OIP5: variants seen among roughly 807,000 people sequenced by gnomAD.
OIP5 encodes Opa interacting protein 5.
Under a neutral mutation model 20.3 loss-of-function variants are expected in OIP5, and 24 were observed. The ratio of observed to expected loss-of-function variants is 1.18; its 90% CI spans 0.86 to 1.66. The LOEUF (loss-of-function observed/expected upper bound fraction) is 1.66. Among genes scored for constraint, OIP5 ranks in the 40% most tolerant of loss-of-function variants. The pLI is 0.00. For missense variants in OIP5, 339 were observed against 289.5 expected (o/e 1.17, Z -1.24); for synonymous variants, 143 against 121.3 (o/e 1.18, Z -1.17).
chr15:41,321,470 G>A (rs1007949497), intron 2 of OIP5, among the ~76,000 whole-genome samples: 5 of 152,232 alleles, frequency 3.3e-5, no homozygotes, highest in African/African-American at 1.2e-4. Flanking sequence ...TGGCAGTTTT[G>A]TGGAATAGAA....
chr15:41,312,965 G>A (rs1181550209), intron 4 of OIP5, among the ~76,000 whole-genome samples: 1 of 152,160 alleles, frequency 6.6e-6, no homozygotes, highest in Admixed American at 6.5e-5. Flanking sequence ...TCTTATGTCT[G>A]AGACAGTTGA....
intron 2 of OIP5, among the ~76,000 whole-genome samples, chr15:41,327,099 G>C (rs902423367): frequency 1.3e-5 from 2 of 151,334 alleles, no homozygotes; most frequent in African/African-American, 4.9e-5. Context: ...AAAGTGAAGA[G>C]TATAGAGGAA....
chr15:41,328,447 T>C (rs1452858516), intron 2 of OIP5, among the ~76,000 whole-genome samples: 2 of 152,222 alleles, frequency 1.3e-5, no homozygotes, highest in Non-Finnish European at 2.9e-5. Context: ...GAAAAAAATG[T>C]ACTTCACTTA....
intron 2 of OIP5, among the ~76,000 whole-genome samples, chr15:41,330,605 G>A (rs1173151933): frequency 6.6e-6 from 1 of 151,698 alleles, no homozygotes; most frequent in Admixed American, 6.6e-5. Flanking sequence ...CGGTTTCACC[G>A]TGTTAGTCAG....
chr15:41,314,700 C>T (rs998431176), intron 3 of OIP5, among the ~76,000 whole-genome samples: 1 of 150,886 alleles, frequency 6.6e-6, no homozygotes, highest in Non-Finnish European at 1.5e-5. Context: ...GGCGAGATCT[C>T]GGCTCACTGC....
At chr15:41,322,228 C>T (rs555435205) in intron 2 of OIP5, among the ~76,000 whole-genome samples, 6 of 152,202 alleles carry the variant, frequency 3.9e-5, no homozygotes, top group African/African-American at 1.4e-4. Context: ...AGCTTGAGCC[C>T]AGGAATTCGA....
Position 41,318,899 on chromosome 15 carries a change from C to T in OIP5, c.512+759G>A, listed in dbSNP as rs114240426. On this transcript the variant is annotated intron_variant, in intron 3 of 4. Coordinates refer to ENST00000220514, the MANE Select transcript of OIP5 (RefSeq NM_007280.2). ...TTGTATAAAAAAAAAACAGGAGTCTCACTATATTGCCCATGGAGGTCTTGA... is the reference window on the plus strand; with the variant it reads ...TTGTATAAAAAAAAAACAGGAGTCTTACTATATTGCCCATGGAGGTCTTGA... Among the ~76,000 whole-genome samples, 240 of 151,664 alleles carry T rather than the reference C, an allele frequency of 1.6e-3. 1 individual carries two copies. Among genetic ancestry groups the T allele is most frequent in the African/African-American group, 5.6e-3 (231 of 41,386 alleles).
chr15:41,313,487 A>T, intron 3 of OIP5, 133 bp from the exon 4 acceptor site: 1 of 585,820 alleles, frequency 1.7e-6, no homozygotes, highest in Admixed American at 3.1e-5. Context: ...AAGACTCATG[A>T]TGTTACAGTT....
intron 3 of OIP5, among the ~76,000 whole-genome samples, chr15:41,318,208 G>C (rs181118321): frequency 6.6e-6 from 1 of 152,124 alleles, no homozygotes; most frequent in South Asian, 2.1e-4. Context: ...TGTCACCCAG[G>C]CTGAAGTGCA....
In OIP5 at chr15:41,332,505, G is replaced by T. The variant is rs1362675060; in HGVS notation, c.57C>A (p.Asp19Glu). ...RSRCATPPRG[D>E]FCGGTERAID... is the part of the protein sequence containing the mutation. ...TCGCCCTCTCAGTGCCACCACAAAAGTCCCCCCGGGGCGGCGTTGCACAAC... is the reference window on the plus strand; with the variant it reads ...TCGCCCTCTCAGTGCCACCACAAAATTCCCCCCGGGGCGGCGTTGCACAAC... Residue 19 changes from aspartate to glutamate, a missense_variant, in exon 1 of 5, where the codon GAC becomes GAA. Transcript: ENST00000220514. 6.2e-7 allele frequency: 1 copy of T among 1,613,844 alleles called. No homozygotes were observed. The highest frequency in any genetic ancestry group is 8.5e-7 in the Non-Finnish European group (1 of 1,179,872).
chr15:41,327,822 G>T (rs1255028303), intron 2 of OIP5, among the ~76,000 whole-genome samples: 1 of 121,562 alleles, frequency 8.2e-6, no homozygotes, highest in African/African-American at 3.5e-5. Flanking sequence ...TAATTGAAAA[G>T]AAAGGCTGAG....
At chr15:41,329,103 A>ACCCGAGT (rs1434605028) in intron 2 of OIP5, among the ~76,000 whole-genome samples, 25 of 149,740 alleles carry the variant, frequency 1.7e-4, no homozygotes, top group Non-Finnish European at 3.3e-4. Context: ...AATAAAAAGA[A>ACCCGAGT]CCCGAGTCTG....
chr15:41,328,124 A>C (rs2047873227), intron 2 of OIP5, among the ~76,000 whole-genome samples: 1 of 152,196 alleles, frequency 6.6e-6, no homozygotes, highest in Non-Finnish European at 1.5e-5. Flanking sequence ...TCCTTACCAA[A>C]ATATTTATGG....
At chr15:41,313,181 T>A in intron 4 of OIP5, 92 bp downstream of exon 4, 1 of 772,828 alleles carries the variant, frequency 1.3e-6, no homozygotes, top group Non-Finnish European at 2.2e-6. Context: ...TTATTGAGCA[T>A]CATGCCATTT....
At chr15:41,316,789 CAA>C (rs11385589) in intron 3 of OIP5, among the ~76,000 whole-genome samples, 6 of 61,908 alleles carry the variant, frequency 9.7e-5, no homozygotes, top group Admixed American at 2.1e-4. Context: ...GACTCCATCT[CAA>C]AAAAAAAAAA....
chr15:41,321,168 C>G (rs1309335602), intron 2 of OIP5, among the ~76,000 whole-genome samples: 12 of 151,200 alleles, frequency 7.9e-5, no homozygotes, highest in Non-Finnish European at 3.0e-5. Flanking sequence ...GTCAGCCCCC[C>G]GCCCAGCCAG....
intron 3 of OIP5, among the ~76,000 whole-genome samples, chr15:41,313,673 A>C (rs1477782035): frequency 6.6e-6 from 1 of 152,212 alleles, no homozygotes; most frequent in Non-Finnish European, 1.5e-5. Context: ...TGTAATGTAC[A>C]TAGCATTTAC....
At chr15:41,321,137 T>C (rs997020668) in intron 2 of OIP5, among the ~76,000 whole-genome samples, 4 of 148,346 alleles carry the variant, frequency 2.7e-5, no homozygotes, top group African/African-American at 7.5e-5. Context: ...GCAGCCACCC[T>C]GTCGGGGAGG....
Position 41,329,985 on chromosome 15 carries a change from C to T in OIP5, c.389+1930G>A, listed in dbSNP as rs376477968. ...GTGCTGGGATTACATGCATCAGCCA[C>T]GGCGCCTGGCCTAATTTTGCTTTAA... is the stretch of plus-strand genomic sequence containing the variant. On this transcript the variant is annotated intron_variant, in intron 2 of 4. Coordinates refer to ENST00000220514, the MANE Select transcript of OIP5 (RefSeq NM_007280.2). Among the ~76,000 whole-genome samples, 36 of 152,272 alleles carry T rather than the reference C, an allele frequency of 2.4e-4. No individual in the cohort carries two copies. The East Asian group carries it at 4.6e-3, about 20-fold the overall frequency.
Sources: allele counts gnomAD v4.1 joint callset (sites outside exome capture counted in the v4.1 genomes callset), GRCh38; gene constraint gnomAD v4.1.1; transcripts MANE v1.5; gene names NCBI Gene and HGNC (gene_info 2026-07-23, HGNC 2026-07-21).